ATRNL1: variants seen among roughly 807,000 people sequenced by gnomAD.
ATRNL1 encodes attractin like 1.
ATRNL1 carries 95 observed loss-of-function variants against 182.7 expected under a neutral mutation model. The ratio of observed to expected loss-of-function variants is 0.52; its 90% CI spans 0.44 to 0.62. The LOEUF (loss-of-function observed/expected upper bound fraction) is 0.62. Ranked by LOEUF, ATRNL1 falls within the 20% of genes least tolerant of loss-of-function variation. The pLI, the probability that ATRNL1 is intolerant of heterozygous loss-of-function variation, is 0.00. For missense variants in ATRNL1, 1,471 were observed against 1,679.5 expected (o/e 0.88, Z 2.17); for synonymous variants, 576 against 568.3 (o/e 1.01, Z -0.19).
At chr10:115,865,711 CAGACCTGAT>C (rs1482546236) in intron 28 of ATRNL1, among the ~76,000 whole-genome samples, 1 of 152,082 alleles carries the variant, frequency 6.6e-6, no homozygotes, top group Non-Finnish European at 1.5e-5. Context: ...AAGCAAGTTG[CAGACCTGAT>C]TTTAGAGCCA....
chr10:115,334,115 T>C (rs1200988526), intron 18 of ATRNL1, among the ~76,000 whole-genome samples, 167 bp from the exon 19 acceptor site: 1 of 152,234 alleles, frequency 6.6e-6, no homozygotes, highest in African/African-American at 2.4e-5. Flanking sequence ...CATACTGTCT[T>C]GCACAAAACT....
At chr10:115,344,250 A>T (rs1469509209) in intron 19 of ATRNL1, among the ~76,000 whole-genome samples, 1 of 152,170 alleles carries the variant, frequency 6.6e-6, no homozygotes, top group African/African-American at 2.4e-5. Flanking sequence ...GTGGGTCCAG[A>T]GGTGCTATAC....
Position 115,590,918 on chromosome 10 carries a change from C to T in ATRNL1, c.3795+41382C>T, listed in dbSNP as rs561193375. ...TGCTGAGGTTTTCTGGGAACAACTCCCTAGTTATTGTTCATGACTCTTGGC... is the reference window on the plus strand; with the variant it reads ...TGCTGAGGTTTTCTGGGAACAACTCTCTAGTTATTGTTCATGACTCTTGGC... On this transcript the variant is annotated intron_variant, in intron 26 of 28. Transcript: ENST00000355044. Among the ~76,000 whole-genome samples the T allele has an allele frequency of 4.6e-5, 7 of 152,214 alleles. No individual in the cohort carries two copies. The East Asian group carries it at 1.4e-3, about 29-fold the overall frequency.
rs568881346 is a variant in ATRNL1 at position 115,381,061 on chromosome 10, C to A, written c.3176-13598C>A. On this transcript the variant is annotated intron_variant, in intron 19 of 28. Coordinates refer to ENST00000355044, the MANE Select transcript of ATRNL1 (RefSeq NM_207303.4). Reference sequence around the variant, plus strand: ...TCCACAAACTCTTATCATTATCTGTCTTTTTTGTTATAGCCCTCCCAGTAT... The same window carrying A: ...TCCACAAACTCTTATCATTATCTGTATTTTTTGTTATAGCCCTCCCAGTAT... Among the ~76,000 whole-genome samples the A allele has an allele frequency of 3.4e-4, 51 of 152,162 alleles. 2 individuals are homozygous for A. The East Asian group carries it at 9.3e-3, about 28-fold the overall frequency.
intron 9 of ATRNL1, among the ~76,000 whole-genome samples, chr10:115,233,221 T>C (rs1554900417): frequency 6.6e-6 from 1 of 152,134 alleles, no homozygotes. Flanking sequence ...CATTTTAACT[T>C]AACTATCTGC....
chr10:115,120,790 A>C (rs1844694976), intron 2 of ATRNL1, among the ~76,000 whole-genome samples: 1 of 152,134 alleles, frequency 6.6e-6, no homozygotes, highest in Non-Finnish European at 1.5e-5. Context: ...ATTTCTAAAG[A>C]GTATATTTGG....
rs1443054472 is a variant in ATRNL1, at chr10:115,093,856, C to G, written c.106C>G (p.Leu36Val). ...GGGGGGASSW[L>V]LDGNSWLLCY... ...CGGCGGCGGGGGCGCCTCCTCCTGG[C>G]TGCTGGACGGGAACAGCTGGCTGCT... Residue 36 changes from leucine (L) to valine (V), a missense_variant, in exon 1 of 29, where the codon CTG (leucine) becomes GTG (valine). By Grantham distance (32) the Leu-to-Val change is conservative. Around this residue, in one of 3 missense-constraint regions of ATRNL1, gnomAD observed 1,031 missense variants for 1,156.0 expected, o/e 0.89. Coordinates refer to ENST00000355044, the MANE Select transcript of ATRNL1 (RefSeq NM_207303.4). The surrounding 1 kb of genome is among the most constrained non-coding windows in gnomAD (Gnocchi z 6.1). 6.4e-7 allele frequency: 1 copy of G among 1,560,996 alleles called. No individual in the cohort carries two copies. The highest frequency in any genetic ancestry group is 1.4e-5 in the African/African-American group (1 of 71,380).
chr10:115,832,237 G>A (rs151184428), intron 27 of ATRNL1, among the ~76,000 whole-genome samples: 23 of 152,250 alleles, frequency 1.5e-4, no homozygotes, highest in African/African-American at 5.5e-4. Context: ...GTAAAATAGG[G>A]AGGAATCCAG....
intron 26 of ATRNL1, among the ~76,000 whole-genome samples, chr10:115,644,682 A>G (rs1324879490): frequency 1.3e-5 from 2 of 152,304 alleles, no homozygotes; most frequent in South Asian, 2.1e-4. Context: ...ATAAAAGGAT[A>G]TACAATTTGG....
intron 18 of ATRNL1, among the ~76,000 whole-genome samples, chr10:115,319,459 G>T (rs925829678): frequency 2.0e-5 from 3 of 151,766 alleles, no homozygotes; most frequent in African/African-American, 4.8e-5. Flanking sequence ...TTTTTGTCTC[G>T]ATCTGTCTAA....
rs190677220 is a variant in ATRNL1, at chr10:115,249,999, C to A, written c.1687+8274C>A. Among the ~76,000 whole-genome samples, 12 of 152,104 alleles carry A rather than the reference C, an allele frequency of 7.9e-5. No homozygotes were observed. The East Asian group carries it at 1.7e-3, about 22-fold the overall frequency. ...GAGCTTTAAGGCATTTGATTTATGC[C>A]CACATATCAAGCTGGCATATTTGTG... On this transcript the variant is annotated intron_variant, in intron 10 of 28. Coordinates refer to ENST00000355044, the MANE Select transcript of ATRNL1 (RefSeq NM_207303.4).
intron 14 of ATRNL1, among the ~76,000 whole-genome samples, chr10:115,282,750 G>A (rs116583817): frequency 0.012 from 1,783 of 151,372 alleles, 34 homozygotes; most frequent in African/African-American, 0.04. Context: ...CTATTAACTA[G>A]GTGTTTTATT....
intron 28 of ATRNL1, among the ~76,000 whole-genome samples, chr10:115,853,493 GT>G: frequency 6.6e-6 from 1 of 152,136 alleles, no homozygotes; most frequent in East Asian, 1.9e-4. Flanking sequence ...TCTGAACACA[GT>G]TTTTTAAAGC....
chr10:115,729,359 A>G (rs924663196), intron 27 of ATRNL1, among the ~76,000 whole-genome samples: 3 of 151,996 alleles, frequency 2.0e-5, no homozygotes, highest in Non-Finnish European at 4.4e-5. Context: ...CAATTTCGCT[A>G]TATCCTTTTG....
intron 27 of ATRNL1, among the ~76,000 whole-genome samples, chr10:115,823,050 G>A (rs1242394933): frequency 3.3e-5 from 5 of 152,080 alleles, no homozygotes; most frequent in South Asian, 4.1e-4. Context: ...CTGGCAAACC[G>A]AATCCAGCAG....
Position 115,489,043 on chromosome 10 carries a change from G to A in ATRNL1, c.3654+19714G>A, listed in dbSNP as rs189910168. ...CATGTAGTTGTGTGGTTTTGAGTGA[G>A]TTTCTTAATCTTGAGTTCTAATTTG... On this transcript the variant is annotated intron_variant, in intron 24 of 28. Transcript: ENST00000355044. 6.3e-3 allele frequency among the ~76,000 whole-genome samples: 964 copies of A among 152,232 alleles called. 8 individuals carry two copies. Among genetic ancestry groups the A allele is most frequent in the Admixed American group, 0.02 (312 of 15,288 alleles).
rs1442450492 is a variant in ATRNL1, at chr10:115,127,612, A to G, written c.511A>G (p.Ile171Val). The change falls in exon 4 of 29, where the codon ATA (isoleucine) becomes GTA (valine). Residue 171 changes from isoleucine (I) to valine (V), a missense_variant. Coordinates refer to ENST00000355044, the MANE Select transcript of ATRNL1 (RefSeq NM_207303.4). ...AVLSGLIVPE[I>V]RGNETVPEVV... ...TTTTAGTGGTTTGATAGTCCCTGAAATAAGGGGCAATGAAACTGTGCCTGA... is the reference window on the plus strand; with the variant it reads ...TTTTAGTGGTTTGATAGTCCCTGAAGTAAGGGGCAATGAAACTGTGCCTGA... 3.1e-6 allele frequency: 5 copies of G among 1,609,302 alleles called. No individual in the cohort carries two copies. Among genetic ancestry groups the G allele is most frequent in the Non-Finnish European group, 4.2e-6 (5 of 1,177,884 alleles).
At chr10:115,670,964 T>C (rs114809930) in intron 26 of ATRNL1, among the ~76,000 whole-genome samples, 3,017 of 152,284 alleles carry the variant, frequency 0.02, 92 homozygotes, top group African/African-American at 0.067. Context: ...TTGAAGCCAC[T>C]GTACCTTTAT....
chr10:115,286,181 A>G (rs1554918766), intron 14 of ATRNL1, 35 bp from the exon 15 acceptor site: 2 of 1,038,226 alleles, frequency 1.9e-6, no homozygotes, highest in South Asian at 1.5e-5. Context: ...GCTTTTTGGT[A>G]ATCTAACAAT....
Sources: gnomAD v4.1 joint callset for allele counts (sites outside exome capture counted in the v4.1 genomes callset) on GRCh38, gnomAD v4.1.1 for gene constraint, gnomAD v4.1.1 regional missense constraint, Gnocchi (gnomAD v3.1) non-coding constraint, MANE v1.5 for transcripts, NCBI Gene and HGNC (gene_info 2026-07-23, HGNC 2026-07-21) for gene names.